The following MAD1L1 variants were observed in gnomAD, a reference collection of about 807,000 sequenced individuals.
MAD1L1 encodes mitotic arrest deficient 1 like 1.
A neutral mutation model predicts 96.9 loss-of-function variants in MAD1L1; 95 were observed. The ratio of observed to expected loss-of-function variants is 0.98; its 90% CI spans 0.83 to 1.16. The LOEUF is 1.16. MAD1L1 is among the 50% of genes most tolerant of loss of function. The probability of loss-of-function intolerance (pLI) is 0.00; values close to 1 mark genes in which losing one functional copy is unlikely to be tolerated. For synonymous variants in MAD1L1, 473 were observed against 396.6 expected (o/e 1.19, Z -2.29); for missense variants, 1,007 against 954.4 (o/e 1.06, Z -0.73).
chr7:2,166,726 G>A (rs947747026), intron 10 of MAD1L1, among the ~76,000 whole-genome samples: 7 of 152,226 alleles, frequency 4.6e-5, no homozygotes, highest in East Asian at 1.9e-4. Flanking sequence ...CTGTGACAGC[G>A]TGTGTCCACT....
At chr7:2,077,041 G>T (rs933062670) in intron 11 of MAD1L1, among the ~76,000 whole-genome samples, 1 of 144,548 alleles carries the variant, frequency 6.9e-6, no homozygotes, top group Admixed American at 6.8e-5. Context: ...ACAGAGTTAC[G>T]ACTTGGTGAG....
At chr7:1,986,519 C>T (rs966413293) in intron 14 of MAD1L1, among the ~76,000 whole-genome samples, 2 of 151,586 alleles carry the variant, frequency 1.3e-5, no homozygotes, top group African/African-American at 4.9e-5. Flanking sequence ...GGTTCTACTC[C>T]GCGGCTCCCT....
At chr7:1,985,359 G>C (rs1220193099) in intron 14 of MAD1L1, among the ~76,000 whole-genome samples, 1 of 152,248 alleles carries the variant, frequency 6.6e-6, no homozygotes, top group African/African-American at 2.4e-5. Context: ...TCTCAGGCCT[G>C]CAGAGCGGAC....
chr7:1,893,575 C>T (rs1026456290), intron 18 of MAD1L1, among the ~76,000 whole-genome samples: 1 of 152,068 alleles, frequency 6.6e-6, no homozygotes, highest in African/African-American at 2.4e-5. Context: ...CTCTCCCTGC[C>T]CTCCCACACT....
chr7:2,090,747 C>T (rs1029234187), intron 11 of MAD1L1, among the ~76,000 whole-genome samples: 1 of 152,244 alleles, frequency 6.6e-6, no homozygotes, highest in South Asian at 2.1e-4. Flanking sequence ...ACAGACGCAG[C>T]GTCCCCATCA....
intron 14 of MAD1L1, among the ~76,000 whole-genome samples, chr7:1,982,751 T>C (rs895180279): frequency 2.5e-4 from 38 of 152,214 alleles, no homozygotes; most frequent in Non-Finnish European, 5.1e-4. Flanking sequence ...GAAATCACAG[T>C]TGTGATACTG....
At chr7:2,212,366 C>T (rs568953747) in intron 10 of MAD1L1, among the ~76,000 whole-genome samples, 1 of 152,342 alleles carries the variant, frequency 6.6e-6, no homozygotes, top group Admixed American at 6.5e-5. Flanking sequence ...TCGTCTTCCA[C>T]TATGGTGGGT....
intron 18 of MAD1L1, chr7:1,847,157 G>A (rs1396520956): frequency 1.2e-5 from 5 of 423,474 alleles, no homozygotes; most frequent in Admixed American, 2.7e-5. Flanking sequence ...TTTCCCGTCT[G>A]TCCTGGGAAC....
chr7:2,202,641 A>G (rs1584537646), intron 10 of MAD1L1, among the ~76,000 whole-genome samples: 1 of 152,180 alleles, frequency 6.6e-6, no homozygotes, highest in Admixed American at 6.5e-5. Flanking sequence ...CCATGCCCCA[A>G]AGAAAACCAA....
intron 17 of MAD1L1, among the ~76,000 whole-genome samples, chr7:1,908,924 G>A (rs528632893): frequency 1.4e-4 from 22 of 152,312 alleles, no homozygotes; most frequent in Admixed American, 1.4e-3. Context: ...CTGGGCGCCT[G>A]GCATGAGCAG....
chr7:1,821,077 T>G (rs1161891520), intron 18 of MAD1L1, among the ~76,000 whole-genome samples: 1 of 68,292 alleles, frequency 1.5e-5, no homozygotes. Flanking sequence ...CGAGACTCCA[T>G]CTCAAAAAAA....
At chr7:2,049,064 T>C (rs1451503172) in intron 12 of MAD1L1, among the ~76,000 whole-genome samples, 1 of 152,248 alleles carries the variant, frequency 6.6e-6, no homozygotes, top group African/African-American at 2.4e-5. Context: ...CACACATATA[T>C]TTGAACATTA....
At chr7:2,042,992 C>A (rs1321347517) in intron 12 of MAD1L1, among the ~76,000 whole-genome samples, 1 of 152,212 alleles carries the variant, frequency 6.6e-6, no homozygotes, top group African/African-American at 2.4e-5. Context: ...TGAAAGTCAC[C>A]TTCGCCAAGA....
intron 18 of MAD1L1, among the ~76,000 whole-genome samples, chr7:1,840,556 C>T (rs1227435039): frequency 2.0e-5 from 3 of 152,260 alleles, no homozygotes; most frequent in Middle Eastern, 6.8e-3. Context: ...ATGGCAAAAC[C>T]CCGTCTCTAC....
At chr7:2,216,334 G>A in intron 7 of MAD1L1, 47 bp from the exon 8 acceptor site, 2 of 1,587,560 alleles carry the variant, frequency 1.3e-6, no homozygotes, top group African/African-American at 1.3e-5. Context: ...GAGCCACGAA[G>A]AGACCTGGAG....
At chr7:1,976,350 C>CTGGTGGGTTCGTGGTCT (rs1160394982) in intron 15 of MAD1L1, among the ~76,000 whole-genome samples, 4 of 152,178 alleles carry the variant, frequency 2.6e-5, no homozygotes, top group Non-Finnish European at 4.4e-5. Flanking sequence ...TTTCTTTCTT[C>CTGGTGGGTTCGTGGTCT]TGGTGGGTTC....
intron 18 of MAD1L1, among the ~76,000 whole-genome samples, chr7:1,850,165 C>T (rs1360730143): frequency 1.3e-5 from 2 of 152,166 alleles, no homozygotes; most frequent in Non-Finnish European, 2.9e-5. Context: ...AGCGGCTTCC[C>T]CTGGACCTGG....
intron 18 of MAD1L1, among the ~76,000 whole-genome samples, chr7:1,833,692 G>A (rs1782812721): frequency 6.6e-6 from 1 of 152,240 alleles, no homozygotes; most frequent in African/African-American, 2.4e-5. Flanking sequence ...TGTAATCCCA[G>A]CACTTTGGGA....
intron 18 of MAD1L1, among the ~76,000 whole-genome samples, chr7:1,818,743 A>C (rs557763023): frequency 6.6e-6 from 1 of 152,074 alleles, no homozygotes; most frequent in South Asian, 2.1e-4. Flanking sequence ...TCAGCAAGAC[A>C]GCTGCTCCCA....
Sources: allele counts gnomAD v4.1 joint callset (sites outside exome capture counted in the v4.1 genomes callset), GRCh38; gene constraint gnomAD v4.1.1; transcripts MANE v1.5; gene names NCBI Gene and HGNC (gene_info 2026-07-23, HGNC 2026-07-21).